The following ERBIN variants were observed in gnomAD, a reference collection of about 807,000 sequenced individuals.
ERBIN encodes densin-180-like protein.
In ERBIN, 60 loss-of-function variants were observed where a neutral mutation model predicts 158.4. The observed-to-expected ratio is 0.38, with a 90% confidence interval of 0.31 to 0.47. The LOEUF is 0.47. ERBIN is among the 20% of genes least tolerant of loss of function. ERBIN has a pLI of 0.99. For missense variants in ERBIN, 1,610 were observed against 1,648.0 expected (o/e 0.98, Z 0.40); for synonymous variants, 594 against 557.2 (o/e 1.07, Z -0.93).
chr5:66,028,251 T>A, intron 13 of ERBIN, 23 bp from the exon 14 acceptor site: 1 of 1,567,398 alleles, frequency 6.4e-7, no homozygotes, highest in Non-Finnish European at 8.7e-7. Flanking sequence ...AGTTTAATTT[T>A]TGTTTGTATT....
chr5:66,069,049 T>C (rs1320537457), intron 21 of ERBIN: 10 of 1,453,642 alleles, frequency 6.9e-6, no homozygotes, highest in Non-Finnish European at 9.0e-6. Context: ...CCAATACTTT[T>C]AGCTTGTAGA....
chr5:66,003,112 A>G (rs1043537895), intron 4 of ERBIN, among the ~76,000 whole-genome samples: 1 of 152,166 alleles, frequency 6.6e-6, no homozygotes, highest in Non-Finnish European at 1.5e-5. Flanking sequence ...TGAGTTTGCA[A>G]TTTCCGGTTA....
intron 1 of ERBIN, among the ~76,000 whole-genome samples, chr5:65,954,355 G>T (rs1458830688): frequency 6.6e-6 from 1 of 152,126 alleles, no homozygotes; most frequent in Non-Finnish European, 1.5e-5. Flanking sequence ...TTTAGTCTAT[G>T]CATTGACTCT....
intron 1 of ERBIN, among the ~76,000 whole-genome samples, chr5:65,981,851 T>C (rs1394485742): frequency 6.6e-6 from 1 of 152,188 alleles, no homozygotes; most frequent in African/African-American, 2.4e-5. Context: ...TCATGAGGCA[T>C]AGGGACTGTC....
At chr5:66,005,511 T>C (rs912744499) in intron 4 of ERBIN, among the ~76,000 whole-genome samples, 2 of 152,144 alleles carry the variant, frequency 1.3e-5, no homozygotes, top group African/African-American at 4.8e-5. Context: ...GCCAAGGGCA[T>C]GATTGTCAAT....
intron 1 of ERBIN, among the ~76,000 whole-genome samples, chr5:65,983,576 C>A (rs1750876176): frequency 1.3e-5 from 2 of 152,156 alleles, no homozygotes; most frequent in Admixed American, 1.3e-4. Flanking sequence ...ATTGTGATAA[C>A]TGTGATTAAA....
intron 21 of ERBIN, among the ~76,000 whole-genome samples, chr5:66,063,748 A>T (rs1199404610): frequency 1.3e-5 from 2 of 152,328 alleles, no homozygotes; most frequent in East Asian, 3.9e-4. Context: ...AGCTTGTAAA[A>T]ATTTGTTTTA....
At chr5:66,002,612 G>A (rs923423564) in intron 4 of ERBIN, among the ~76,000 whole-genome samples, 1 of 152,136 alleles carries the variant, frequency 6.6e-6, no homozygotes, top group Admixed American at 6.6e-5. Context: ...GTTAACCAAG[G>A]TATTTCTTTT....
intron 4 of ERBIN, among the ~76,000 whole-genome samples, chr5:66,001,170 A>T (rs1194640873): frequency 6.6e-6 from 1 of 152,146 alleles, no homozygotes; most frequent in Admixed American, 6.5e-5. Flanking sequence ...ATTAAAATGT[A>T]ATTTCATGAA....
chr5:65,997,990 C>T (rs1458147300), intron 4 of ERBIN, among the ~76,000 whole-genome samples: 2 of 151,834 alleles, frequency 1.3e-5, no homozygotes, highest in African/African-American at 2.4e-5. Flanking sequence ...CACTTTGGGA[C>T]GCTGAGGTGG....
At chr5:66,000,912 G>T (rs184370736) in intron 4 of ERBIN, among the ~76,000 whole-genome samples, 1 of 151,988 alleles carries the variant, frequency 6.6e-6, no homozygotes, top group African/African-American at 2.4e-5. Context: ...CATAAGTGGT[G>T]TATTTAACCC....
chr5:66,050,783 A>G lies in ERBIN; in HGVS notation c.1904A>G (p.Asp635Gly). The G allele has an allele frequency of 1.3e-6, 2 of 1,519,266 alleles. No homozygotes were observed. Among genetic ancestry groups the G allele is most frequent in the Non-Finnish European group, 1.8e-6 (2 of 1,132,156 alleles). The allele number at this position is 1,519,266 out of a possible 1,614,324, so 94.1% of individuals were successfully genotyped here. ...KVVALSNNKK[D>G]DTKETDSLSD... is the part of the protein sequence containing the mutation. ...TAATCTTAAATTTGTTTTGTTTCAG[A>G]TGATACAAAGGAAACAGATTCTTTA... The change falls in exon 20 of 26, where the codon GAT becomes GGT. Residue 635 changes from aspartate to glycine, a missense_variant and splice_region_variant. Physicochemically the swap from Asp to Gly is moderately conservative, Grantham distance 94. Transcript: ENST00000284037.
intron 4 of ERBIN, among the ~76,000 whole-genome samples, chr5:66,006,765 T>C (rs961226220): frequency 2.0e-5 from 3 of 152,158 alleles, no homozygotes; most frequent in South Asian, 2.1e-4. Context: ...AAGACACTTA[T>C]GCAGCCAAAA....
chr5:65,978,280 A>G (rs1259479771), intron 1 of ERBIN, among the ~76,000 whole-genome samples: 1 of 152,074 alleles, frequency 6.6e-6, no homozygotes, highest in Non-Finnish European at 1.5e-5. Flanking sequence ...TTTCCTTCAG[A>G]TTATAGAATG....
At chr5:65,995,635 C>A (rs1010428516) in intron 4 of ERBIN, among the ~76,000 whole-genome samples, 3 of 152,104 alleles carry the variant, frequency 2.0e-5, no homozygotes, top group South Asian at 4.1e-4. Flanking sequence ...CACTTTGATA[C>A]ATATCCAGTA....
chr5:65,990,016 T>C (rs887642539), intron 2 of ERBIN, among the ~76,000 whole-genome samples: 1 of 152,258 alleles, frequency 6.6e-6, no homozygotes, highest in African/African-American at 2.4e-5. Context: ...TTATTCTTAC[T>C]GATAAAATAT....
intron 20 of ERBIN, among the ~76,000 whole-genome samples, chr5:66,051,836 A>G (rs1287990920): frequency 6.6e-6 from 1 of 151,058 alleles, no homozygotes; most frequent in African/African-American, 2.4e-5. Context: ...CGGAAGTTGC[A>G]GTGAGCTGTG....
rs1762273055 is a variant in ERBIN at position 66,079,365 on chromosome 5, T to C, written c.*835T>C. On this transcript the variant is annotated 3_prime_UTR_variant, in exon 26 of 26. Transcript: ENST00000284037. ...CCATGCATTTTCTGTGTTATGGAAA[T>C]CCACTGATTTTTTTTTTTTTTTCAA... is the stretch of plus-strand genomic sequence containing the variant. 1 of 151,978 alleles carries C rather than the reference T, an allele frequency of 6.6e-6. No homozygotes were observed. Among genetic ancestry groups the C allele is most frequent in the African/African-American group, 2.4e-5 (1 of 41,312 alleles). 9.4% of individuals were successfully genotyped at this position (151,978 alleles called of 1,614,324 possible).
intron 1 of ERBIN, among the ~76,000 whole-genome samples, chr5:65,930,996 A>G (rs191810571): frequency 8.5e-5 from 12 of 141,112 alleles, no homozygotes; most frequent in Admixed American, 4.0e-4. Flanking sequence ...ATAGTGTGGA[A>G]GACGATAGAA....
Sources: gnomAD v4.1 joint callset for allele counts (sites outside exome capture counted in the v4.1 genomes callset) on GRCh38, gnomAD v4.1.1 for gene constraint, MANE v1.5 for transcripts, NCBI Gene and HGNC (gene_info 2026-07-23, HGNC 2026-07-21) for gene names.